MDH2: variants seen among roughly 807,000 people sequenced by gnomAD.
MDH2 encodes the protein malate dehydrogenase 2.
In MDH2, 25 loss-of-function variants were observed where a neutral mutation model predicts 33.6. That is an observed-to-expected ratio of 0.74 (90% CI 0.54 to 1.04). MDH2 has a LOEUF of 1.04. Among genes scored for constraint, MDH2 ranks in the 50% least tolerant of loss-of-function variants. The pLI, the probability that MDH2 is intolerant of heterozygous loss-of-function variation, is 0.00. For synonymous variants in MDH2, 193 were observed against 188.7 expected (o/e 1.02, Z -0.19); for missense variants, 432 against 445.0 (o/e 0.97, Z 0.26).
chr7:76,064,523 G>C lies in MDH2; in HGVS notation c.733+85G>C. 3.3e-6 allele frequency: 4 copies of C among 1,201,922 alleles called. No individual in the cohort carries two copies. In the South Asian group the frequency reaches 5.7e-5, roughly 17 times the overall value. 74.5% of individuals were successfully genotyped at this position (1,201,922 alleles called of 1,614,324 possible). A position where few individuals can be genotyped will look rare whatever the true frequency, so the allele number is the denominator to read the frequency against. On this transcript the variant is annotated intron_variant, in intron 7 of 8. Coordinates refer to ENST00000315758, the MANE Select transcript of MDH2 (RefSeq NM_005918.4). Reference sequence around the variant, plus strand: ...TGGGGAGAAATGCTGCTTGTCCCTGGGCATGGACGATCCTTTTCAGTGTTG... The same window carrying C: ...TGGGGAGAAATGCTGCTTGTCCCTGCGCATGGACGATCCTTTTCAGTGTTG...
chr7:76,060,802 C>T (rs1459990798), intron 5 of MDH2, among the ~76,000 whole-genome samples: 11 of 151,998 alleles, frequency 7.2e-5, no homozygotes, highest in Non-Finnish European at 1.5e-4. Flanking sequence ...TGGACTTGGA[C>T]GGGGCTCCCC....
intron 1 of MDH2, among the ~76,000 whole-genome samples, chr7:76,053,169 TAAG>T (rs1368359275): frequency 1.3e-5 from 2 of 152,094 alleles, no homozygotes; most frequent in African/African-American, 2.4e-5. Flanking sequence ...ATGTCTCTGA[TAAG>T]AAGGAGGTGG....
At position 76,048,236 on chromosome 7, in the gene MDH2, A is replaced by G. The variant is rs1397366001; in HGVS notation, c.66+10A>G. On this transcript the variant is annotated intron_variant, in intron 1 of 8. Coordinates refer to ENST00000315758, the MANE Select transcript of MDH2 (RefSeq NM_005918.4). ...CAGCACCTCGGCCCAGGTAGGCCAG[A>G]CGAGGGGCGGCCTGCAGGCGGAGGC... 2 of 1,532,208 alleles carry G rather than the reference A, an allele frequency of 1.3e-6. No individual in the cohort carries two copies. The highest frequency in any genetic ancestry group is 1.7e-6 in the Non-Finnish European group (2 of 1,144,916). The allele number at this position is 1,532,208 out of a possible 1,614,324, so 94.9% of individuals were successfully genotyped here. A position where few individuals can be genotyped will look rare whatever the true frequency, so the allele number is the denominator to read the frequency against.
At chr7:76,060,254 T>G in intron 4 of MDH2, 119 bp from the exon 5 acceptor site, 1 of 1,337,780 alleles carries the variant, frequency 7.5e-7, no homozygotes, top group Non-Finnish European at 1.0e-6. Context: ...CAGTTTAATG[T>G]GGCATCTTTG....
At chr7:76,058,712 GGTTTCT>G (rs1797859534) in intron 4 of MDH2, among the ~76,000 whole-genome samples, 1 of 152,188 alleles carries the variant, frequency 6.6e-6, no homozygotes, top group South Asian at 2.1e-4. Flanking sequence ...TGGCTTCTCT[GGTTTCT>G]GTTTCTCCAA....
At chr7:76,056,921 G>A (rs1268961222) in intron 2 of MDH2, among the ~76,000 whole-genome samples, 1 of 152,042 alleles carries the variant, frequency 6.6e-6, no homozygotes, top group Non-Finnish European at 1.5e-5. Context: ...GCTGAAACAG[G>A]AGAATCACAT....
chr7:76,051,441 C>T (rs1554585437), intron 1 of MDH2, among the ~76,000 whole-genome samples: 1 of 151,948 alleles, frequency 6.6e-6, no homozygotes, highest in Admixed American at 6.6e-5. Flanking sequence ...CCTGCCTCAG[C>T]CTTCCGAGTA....
At chr7:76,065,803 CTACT>C (rs1283908471) in intron 8 of MDH2, among the ~76,000 whole-genome samples, 1 of 152,188 alleles carries the variant, frequency 6.6e-6, no homozygotes, top group Admixed American at 6.5e-5. Flanking sequence ...AGACATTTAC[CTACT>C]TAGTGACACC....
intron 1 of MDH2, chr7:76,054,540 T>TA: frequency 2.5e-6 from 1 of 403,038 alleles, no homozygotes. Flanking sequence ...AGGCTGCTGT[T>TA]ACCAGTCCAG....
rs556461250 is a variant in MDH2, at chr7:76,057,576, A to G, written c.319+83A>G. The G allele has an allele frequency of 3.4e-5, 48 of 1,402,624 alleles. No individual in the cohort carries two copies. The East Asian group carries it at 1.1e-3, about 32-fold the overall frequency. The allele number at this position is 1,402,624 out of a possible 1,614,324, so 86.9% of individuals were successfully genotyped here. A position where few individuals can be genotyped will look rare whatever the true frequency, so the allele number is the denominator to read the frequency against. On this transcript the variant is annotated intron_variant, in intron 3 of 8. Transcript: ENST00000315758. Reference sequence around the variant, plus strand: ...CCATTTCCTATTAAAAATGGATTTAATCTGGTTGCTTTGTTGTAGGAAAAA... The same window carrying G: ...CCATTTCCTATTAAAAATGGATTTAGTCTGGTTGCTTTGTTGTAGGAAAAA...
At position 76,067,252 on chromosome 7, in the gene MDH2, A is replaced by C. The variant is rs1288537747; in HGVS notation, c.*842A>C. On this transcript the variant is annotated 3_prime_UTR_variant, in exon 9 of 9. Coordinates refer to ENST00000315758, the MANE Select transcript of MDH2 (RefSeq NM_005918.4). ...CAGACACTGTGGCCTCTGAAGTGGA[A>C]ACTGAAAGCTGCATACCTGGGAAAG... The C allele has an allele frequency of 6.6e-6, 1 of 152,246 alleles. No homozygotes were observed. Among genetic ancestry groups the C allele is most frequent in the Non-Finnish European group, 1.5e-5 (1 of 68,054 alleles). 9.4% of individuals were successfully genotyped at this position (152,246 alleles called of 1,614,324 possible). A position where few individuals can be genotyped will look rare whatever the true frequency, so the allele number is the denominator to read the frequency against.
Position 76,064,403 on chromosome 7 carries a change from C to T in MDH2, c.698C>T (p.Ala233Val), listed in dbSNP as rs1554587479. 1 of 1,613,564 alleles carries T rather than the reference C, an allele frequency of 6.2e-7. No individual in the cohort carries two copies. Among genetic ancestry groups the T allele is most frequent in the Non-Finnish European group, 8.5e-7 (1 of 1,179,884 alleles). Reference sequence around the variant, plus strand: ...GCACTCACTGGGCGGATCCAGGAGGCCGGCACGGAGGTGGTCAAGGCTAAA... The same window carrying T: ...GCACTCACTGGGCGGATCCAGGAGGTCGGCACGGAGGTGGTCAAGGCTAAA... ...LTALTGRIQE[A>V]GTEVVKAKAG... Residue 233 changes from alanine (A) to valine (V), a missense_variant, in exon 7 of 9, where the codon GCC (alanine) becomes GTC (valine). Physicochemically the swap from Ala to Val is moderately conservative, Grantham distance 64. Coordinates refer to ENST00000315758, the MANE Select transcript of MDH2 (RefSeq NM_005918.4).
At chr7:76,066,071 C>T (rs1798087915) in intron 8 of MDH2, among the ~76,000 whole-genome samples, 1 of 152,100 alleles carries the variant, frequency 6.6e-6, no homozygotes, top group African/African-American at 2.4e-5. Context: ...TGCTGGGACC[C>T]CTGCCTGGCA....
intron 1 of MDH2, 176 bp downstream of exon 1, chr7:76,048,402 G>A (rs1236532594): frequency 1.2e-5 from 14 of 1,164,636 alleles, no homozygotes; most frequent in Non-Finnish European, 1.6e-5. Context: ...GGAGGTGCGG[G>A]GGAGAAAGCC....
chr7:76,049,956 C>T (rs782117921), intron 1 of MDH2, among the ~76,000 whole-genome samples: 1 of 152,088 alleles, frequency 6.6e-6, no homozygotes, highest in Non-Finnish European at 1.5e-5. Flanking sequence ...CTCAGCCTCC[C>T]GAATAGCTGG....
chr7:76,062,934 T>TG (rs35052186), intron 5 of MDH2, among the ~76,000 whole-genome samples: 1 of 152,178 alleles, frequency 6.6e-6, no homozygotes, highest in African/African-American at 2.4e-5. Flanking sequence ...CACAGATTCT[T>TG]GGGGGTGTGG....
chr7:76,048,568 T>G, intron 1 of MDH2: 1 of 1,315,234 alleles, frequency 7.6e-7, no homozygotes, highest in East Asian at 3.1e-5. Flanking sequence ...TTACGTTTTT[T>G]TCTGCAGCGT....
In MDH2 at chr7:76,054,907, C is replaced by A. The variant is rs1282385392; in HGVS notation, c.144C>A (p.Pro48=). 1.2e-5 allele frequency: 19 copies of A among 1,614,044 alleles called. No homozygotes were observed. In the Admixed American group the frequency reaches 3.0e-4, roughly 25 times the overall value. The change falls in exon 2 of 9, where the codon CCC becomes CCA. Residue 48 remains proline, a synonymous_variant. Coordinates refer to ENST00000315758, the MANE Select transcript of MDH2 (RefSeq NM_005918.4). ...QPLSLLLKNS[P]LVSRLTLYDI... is the part of the protein sequence containing the mutation. ...TTTCACTTCTCCTGAAGAACAGCCC[C>A]TTGGTGAGCCGCCTGACCCTCTATG...
chr7:76,060,624 T>G (rs781940428), intron 5 of MDH2, 126 bp downstream of exon 5: 33 of 1,377,018 alleles, frequency 2.4e-5, no homozygotes, highest in Non-Finnish European at 3.2e-5. Context: ...TTTTAAATGT[T>G]TTTAGAGCTC....
Sources: allele counts gnomAD v4.1 joint callset (sites outside exome capture counted in the v4.1 genomes callset), GRCh38; gene constraint gnomAD v4.1.1; transcripts MANE v1.5; gene names NCBI Gene and HGNC (gene_info 2026-07-23, HGNC 2026-07-21).